NRXN3: variants seen among roughly 807,000 people sequenced by gnomAD.
NRXN3 encodes neurexin III.
Under a neutral mutation model 137.6 loss-of-function variants are expected in NRXN3, and 32 were observed. The observed-to-expected ratio is 0.23, with a 90% CI of 0.18 to 0.31. The LOEUF is 0.31. NRXN3 is among the 10% of genes least tolerant of loss of function. NRXN3 has a pLI of 1.00. For synonymous variants in NRXN3, 798 were observed against 784.5 expected (o/e 1.02, Z -0.29); for missense variants, 1,574 against 2,062.5 (o/e 0.76, Z 4.59).
chr14:78,700,453 G>A (rs935224495), intron 6 of NRXN3, among the ~76,000 whole-genome samples: 1 of 152,090 alleles, frequency 6.6e-6, no homozygotes, highest in East Asian at 1.9e-4. Context: ...GAGGGTAGAG[G>A]CACATATTTG....
At chr14:79,634,493 C>T (rs866414623) in intron 16 of NRXN3, among the ~76,000 whole-genome samples, 3 of 152,022 alleles carry the variant, frequency 2.0e-5, no homozygotes, top group Non-Finnish European at 4.4e-5. Context: ...TTTTTGATAC[C>T]ATGTTGCTTT....
intron 4 of NRXN3, among the ~76,000 whole-genome samples, chr14:78,372,041 T>C (rs892858739): frequency 6.6e-6 from 1 of 152,068 alleles, no homozygotes; most frequent in African/African-American, 2.4e-5. Flanking sequence ...AATGACAGAA[T>C]TACAGTCTAC....
At chr14:79,082,141 A>G (rs1187481902) in intron 15 of NRXN3, among the ~76,000 whole-genome samples, 2 of 151,960 alleles carry the variant, frequency 1.3e-5, no homozygotes, top group Non-Finnish European at 2.9e-5. Flanking sequence ...TAAAACATAT[A>G]CAAAACTACC....
chr14:78,322,269 T>C (rs950830616), intron 4 of NRXN3, among the ~76,000 whole-genome samples: 5 of 151,910 alleles, frequency 3.3e-5, no homozygotes, highest in South Asian at 4.1e-4. Context: ...CCACAGATGT[T>C]AGGAAAAGGG....
chr14:78,488,356 T>C (rs2095602775), intron 4 of NRXN3, among the ~76,000 whole-genome samples: 1 of 152,182 alleles, frequency 6.6e-6, no homozygotes, highest in Non-Finnish European at 1.5e-5. Flanking sequence ...ATGAGGAATA[T>C]TGTTAAATGA....
At chr14:78,224,745 T>C (rs1018158946) in intron 1 of NRXN3, among the ~76,000 whole-genome samples, 7 of 135,682 alleles carry the variant, frequency 5.2e-5, no homozygotes, top group African/African-American at 1.9e-4. Flanking sequence ...TACGTGTGCA[T>C]GTGTCTTTTT....
intron 10 of NRXN3, among the ~76,000 whole-genome samples, chr14:78,880,122 C>T (rs2099124597): frequency 1.4e-5 from 2 of 146,270 alleles, no homozygotes; most frequent in South Asian, 2.1e-4. Context: ...CGCCTGTAGT[C>T]CCAGCTACTT....
chr14:78,955,768 C>T (rs1029601983), intron 10 of NRXN3, among the ~76,000 whole-genome samples: 1 of 152,036 alleles, frequency 6.6e-6, no homozygotes, highest in African/African-American at 2.4e-5. Context: ...GCTCTTATAA[C>T]CAGCAGAAAA....
chr14:79,727,883 G>C (rs976426891), intron 19 of NRXN3, among the ~76,000 whole-genome samples: 2 of 152,112 alleles, frequency 1.3e-5, no homozygotes, highest in Non-Finnish European at 2.9e-5. Context: ...TCTAGATTGA[G>C]ACTAGGATTC....
At chr14:78,349,575 T>G (rs1173522197) in intron 4 of NRXN3, among the ~76,000 whole-genome samples, 1 of 152,242 alleles carries the variant, frequency 6.6e-6, no homozygotes, top group African/African-American at 2.4e-5. Flanking sequence ...GTCACTCATT[T>G]TAGCTTTCAA....
At chr14:79,130,178 A>G (rs532638056) in intron 15 of NRXN3, among the ~76,000 whole-genome samples, 142 of 151,144 alleles carry the variant, frequency 9.4e-4, no homozygotes, top group African/African-American at 3.1e-3. Context: ...GTCCATTTAC[A>G]TTTAAAGTTA....
chr14:78,252,784 T>G (rs1286560160), intron 2 of NRXN3, among the ~76,000 whole-genome samples: 1 of 152,232 alleles, frequency 6.6e-6, no homozygotes, highest in Non-Finnish European at 1.5e-5. Context: ...ATAGAAAAAG[T>G]ACAGTGAGAG....
intron 15 of NRXN3, among the ~76,000 whole-genome samples, chr14:79,069,089 C>T (rs954929669): frequency 6.6e-6 from 1 of 152,116 alleles, no homozygotes; most frequent in Admixed American, 6.6e-5. Flanking sequence ...GAATTTCTCT[C>T]CAGGGCATTG....
At chr14:79,221,102 C>T (rs1440525894) in intron 15 of NRXN3, among the ~76,000 whole-genome samples, 1 of 152,102 alleles carries the variant, frequency 6.6e-6, no homozygotes, top group Non-Finnish European at 1.5e-5. Flanking sequence ...TTTATGGCTG[C>T]ATTGTATTCC....
intron 15 of NRXN3, among the ~76,000 whole-genome samples, chr14:79,408,215 AT>A (rs1567042023): frequency 6.6e-6 from 1 of 152,144 alleles, no homozygotes; most frequent in Non-Finnish European, 1.5e-5. Flanking sequence ...CTCTTTTGAT[AT>A]GATGCAGTTT....
rs2098423544 is a variant in NRXN3, at chr14:78,714,654, C to T, written c.1661-102C>T. ...CTAATTCTCTTGCTTACATTGTTCT[C>T]TCCTGGCCAGCCAATGGCTGGGCTC... On this transcript the variant is annotated intron_variant, in intron 7 of 20. Transcript: ENST00000335750. 6.9e-6 allele frequency: 9 copies of T among 1,313,080 alleles called. No individual in the cohort carries two copies. In the Admixed American group the frequency reaches 7.5e-5, roughly 11 times the overall value. The allele number at this position is 1,313,080 out of a possible 1,614,324, so 81.3% of individuals were successfully genotyped here. A position where few individuals can be genotyped will look rare whatever the true frequency, so the allele number is the denominator to read the frequency against.
chr14:78,866,860 C>T (rs545773972), intron 10 of NRXN3, among the ~76,000 whole-genome samples: 28 of 144,574 alleles, frequency 1.9e-4, no homozygotes, highest in African/African-American at 5.5e-4. Context: ...TACAGTGGCA[C>T]GGTCTCGGCT....
At chr14:79,808,162 G>A (rs943475086) in intron 20 of NRXN3, among the ~76,000 whole-genome samples, 5 of 151,094 alleles carry the variant, frequency 3.3e-5, no homozygotes, top group East Asian at 2.0e-4. Flanking sequence ...GCTTGAACCC[G>A]GGAGGCAGAG....
chr14:78,243,663 G>C lies in NRXN3; in HGVS notation c.570G>C (p.Gly190=). 1.9e-6 allele frequency: 3 copies of C among 1,598,464 alleles called. No homozygotes were observed. Among genetic ancestry groups the C allele is most frequent in the Non-Finnish European group, 1.7e-6 (2 of 1,179,820 alleles). The change falls in exon 2 of 21, where the codon GGG becomes GGC. Residue 190 remains glycine (G), a synonymous_variant. Coordinates refer to ENST00000335750, the MANE Select transcript of NRXN3 (RefSeq NM_001330195.2). This position sits in a 1 kb window ranked among gnomAD's most constrained non-coding sequence, Gnocchi z 4.2. ...KYGNSEPRLL[G]SRGVQMDAEG... ...GAAACTCGGAGCCTCGGCTTCTGGGGAGCCGGGGTGTCCAGATGGATGCCG... is the reference window on the plus strand; with the variant it reads ...GAAACTCGGAGCCTCGGCTTCTGGGCAGCCGGGGTGTCCAGATGGATGCCG...
Sources: gnomAD v4.1 joint callset for allele counts (sites outside exome capture counted in the v4.1 genomes callset) on GRCh38, gnomAD v4.1.1 for gene constraint, Gnocchi (gnomAD v3.1) non-coding constraint, MANE v1.5 for transcripts, NCBI Gene and HGNC (gene_info 2026-07-23, HGNC 2026-07-21) for gene names.